Variants in KIAA1549 observed in about 807,000 individuals in gnomAD.
KIAA1549 encodes the protein KIAA1549.
In KIAA1549, 70 loss-of-function variants were observed where a neutral mutation model predicts 156.4. The observed-to-expected ratio is 0.45, with a 90% CI of 0.37 to 0.55. KIAA1549 has a LOEUF of 0.55. KIAA1549 is among the 20% of genes least tolerant of loss of function. The pLI, the probability that KIAA1549 is intolerant of heterozygous loss-of-function variation, is 0.00. For synonymous variants in KIAA1549, 1,103 were observed against 1,066.4 expected (o/e 1.03, Z -0.67); for missense variants, 2,428 against 2,540.9 (o/e 0.96, Z 0.96).
chr7:138,954,656 C>T (rs1353379615), intron 1 of KIAA1549, among the ~76,000 whole-genome samples: 2 of 152,122 alleles, frequency 1.3e-5, no homozygotes, highest in Non-Finnish European at 2.9e-5. Flanking sequence ...CCACTTGGAT[C>T]ACCCCTCCGG....
In KIAA1549 at chr7:138,879,558, G is replaced by T; in HGVS notation, c.4325C>A (p.Ser1442Tyr). 6.4e-7 allele frequency: 1 copy of T among 1,564,630 alleles called. No individual in the cohort carries two copies. ...CAGACCGCTCTGCGGAGCTCTGTGGGACCTGCCATCGTTGACGGCTCCCGG... is the reference window on the plus strand; with the variant it reads ...CAGACCGCTCTGCGGAGCTCTGTGGTACCTGCCATCGTTGACGGCTCCCGG... Reference protein sequence around the residue: ...KTPGAVNDGRSHRAPQSGPPL... With the variant: ...KTPGAVNDGRYHRAPQSGPPL... Residue 1442 changes from serine to tyrosine, a missense_variant, in exon 12 of 20, where the codon TCC (serine) becomes TAC (tyrosine). By Grantham distance (144) the Ser-to-Tyr change is moderately radical. Around this residue, in one of 5 missense-constraint regions of KIAA1549, gnomAD observed 404 missense variants for 417.0 expected, o/e 0.97. Coordinates refer to ENST00000422774, the MANE Select transcript of KIAA1549 (RefSeq NM_001164665.2).
intron 1 of KIAA1549, among the ~76,000 whole-genome samples, chr7:138,927,213 G>C (rs999109797): frequency 2.6e-5 from 4 of 152,140 alleles, no homozygotes; most frequent in Non-Finnish European, 4.4e-5. Flanking sequence ...ATCTACAGTG[G>C]ATGGAGATTT....
chr7:138,856,185 C>T (rs932938952), intron 16 of KIAA1549, among the ~76,000 whole-genome samples: 2 of 151,748 alleles, frequency 1.3e-5, no homozygotes, highest in South Asian at 2.1e-4. Flanking sequence ...GTGCCCGCCA[C>T]CACGCCCAGC....
intron 1 of KIAA1549, among the ~76,000 whole-genome samples, chr7:138,963,140 T>C (rs997293508): frequency 6.6e-6 from 1 of 152,254 alleles, no homozygotes; most frequent in Non-Finnish European, 1.5e-5. Flanking sequence ...CATGCAGACA[T>C]GTGGGCATGG....
At chr7:138,970,478 C>A (rs1481190138) in intron 1 of KIAA1549, among the ~76,000 whole-genome samples, 6 of 152,276 alleles carry the variant, frequency 3.9e-5, no homozygotes, top group South Asian at 4.1e-4. Flanking sequence ...CATTTTTATG[C>A]GCTATGGACT....
Position 138,837,167 on chromosome 7 carries a change from C to T in KIAA1549, c.*739G>A, listed in dbSNP as rs571301467. On this transcript the variant is annotated 3_prime_UTR_variant, in exon 20 of 20. Coordinates refer to ENST00000422774, the MANE Select transcript of KIAA1549 (RefSeq NM_001164665.2). ...TCAAATAAATATAAAGCTTTTTGCC[C>T]CACTTTGGGAGGGATTTTTTTTTTC... 20 of 226,120 alleles carry T rather than the reference C, an allele frequency of 8.8e-5. No individual in the cohort carries two copies. Among genetic ancestry groups the T allele is most frequent in the African/African-American group, 4.0e-4 (18 of 44,558 alleles). The allele number at this position is 226,120 out of a possible 1,614,324, so 14.0% of individuals were successfully genotyped here. A position where few individuals can be genotyped will look rare whatever the true frequency, so the allele number is the denominator to read the frequency against.
At chr7:138,875,163 A>G (rs546061510) in intron 12 of KIAA1549, among the ~76,000 whole-genome samples, 1 of 152,318 alleles carries the variant, frequency 6.6e-6, no homozygotes, top group South Asian at 2.1e-4. Context: ...GGTGACAGAT[A>G]TGCTAATTAC....
At chr7:138,923,338 C>A (rs180783316) in intron 1 of KIAA1549, among the ~76,000 whole-genome samples, 1 of 152,188 alleles carries the variant, frequency 6.6e-6, no homozygotes, top group Admixed American at 6.5e-5. Flanking sequence ...TGGTGGCTCA[C>A]GCCTGTAATC....
At position 138,952,027 on chromosome 7, in the gene KIAA1549, A is replaced by C. The variant is rs576595766; in HGVS notation, c.187+29056T>G. On this transcript the variant is annotated intron_variant, in intron 1 of 19. Transcript: ENST00000422774. ...AATCCTGCCCTCAGTGATTCCATCT[A>C]TAAAATGAGGAAAAGAACACACAGG... is the stretch of plus-strand genomic sequence containing the variant. 3.4e-4 allele frequency among the ~76,000 whole-genome samples: 52 copies of C among 152,316 alleles called. 1 individual carries two copies. Among genetic ancestry groups the C allele is most frequent in the African/African-American group, 1.2e-3 (51 of 41,578 alleles).
chr7:138,879,737 A>C, intron 11 of KIAA1549, 84 bp from the exon 12 acceptor site: 1 of 850,044 alleles, frequency 1.2e-6, no homozygotes, highest in Non-Finnish European at 1.8e-6. Context: ...TGTGGAAGTC[A>C]GGCTTCCAGG....
rs1392229459 is a variant in KIAA1549 at position 138,833,257 on chromosome 7, A to G, written c.*4649T>C. 4.3e-6 allele frequency: 1 copy of G among 232,606 alleles called. No homozygotes were observed. The highest frequency in any genetic ancestry group is 6.1e-5 in the East Asian group (1 of 16,526). 14.4% of individuals were successfully genotyped at this position (232,606 alleles called of 1,614,324 possible). ...TACCCAGCTTTCCTTCCAAACGACA[A>G]ATTCATTCATGTCTGAGAATCTAGT... On this transcript the variant is annotated 3_prime_UTR_variant, in exon 20 of 20. Transcript: ENST00000422774.
chr7:138,977,655 AACACACACACAC>A (rs10625706), intron 1 of KIAA1549, among the ~76,000 whole-genome samples: 1 of 146,814 alleles, frequency 6.8e-6, no homozygotes, highest in Admixed American at 6.8e-5. Flanking sequence ...TACTCAAGAA[AACACACACACAC>A]ACACACACAC....
At chr7:138,843,933 GCT>G (rs1324227039) in intron 18 of KIAA1549, among the ~76,000 whole-genome samples, 3 of 152,122 alleles carry the variant, frequency 2.0e-5, no homozygotes, top group African/African-American at 7.2e-5. Context: ...TAAGAGTTTT[GCT>G]CTGTCACCCA....
At chr7:138,846,135 A>G (rs1810065529) in intron 17 of KIAA1549, among the ~76,000 whole-genome samples, 1 of 152,194 alleles carries the variant, frequency 6.6e-6, no homozygotes, top group Non-Finnish European at 1.5e-5. Context: ...TGCTAACATA[A>G]ATTTTTAATT....
chr7:138,899,548 C>G (rs1227535898), intron 8 of KIAA1549, among the ~76,000 whole-genome samples: 1 of 152,136 alleles, frequency 6.6e-6, no homozygotes. Flanking sequence ...CTACCCAATC[C>G]TTTCTTCAGC....
chr7:138,866,546 C>CT (rs1206929213), intron 15 of KIAA1549, among the ~76,000 whole-genome samples: 4 of 152,282 alleles, frequency 2.6e-5, no homozygotes, highest in African/African-American at 9.6e-5. Context: ...AAGGGGCCTG[C>CT]TGCAGCAAGG....
intron 1 of KIAA1549, among the ~76,000 whole-genome samples, chr7:138,946,501 C>T (rs1326210430): frequency 6.6e-6 from 1 of 152,022 alleles, no homozygotes; most frequent in East Asian, 1.9e-4. Context: ...AAGGCCTGGC[C>T]GGGCACGGTG....
chr7:138,849,159 C>A (rs73458283), intron 17 of KIAA1549, among the ~76,000 whole-genome samples: 1 of 152,042 alleles, frequency 6.6e-6, no homozygotes, highest in East Asian at 1.9e-4. Context: ...CAAGCTTGTG[C>A]GAGTCTATCA....
At chr7:138,898,913 C>T in intron 9 of KIAA1549, 42 bp downstream of exon 9, 1 of 1,594,132 alleles carries the variant, frequency 6.3e-7, no homozygotes, top group Non-Finnish European at 8.6e-7. Context: ...GCTTTGGTGC[C>T]CAGCACAGCA....
Sources: gnomAD v4.1 joint callset for allele counts (sites outside exome capture counted in the v4.1 genomes callset) on GRCh38, gnomAD v4.1.1 for gene constraint, gnomAD v4.1.1 regional missense constraint, MANE v1.5 for transcripts, NCBI Gene and HGNC (gene_info 2026-07-23, HGNC 2026-07-21) for gene names.